NPC1: variants seen among roughly 807,000 people sequenced by gnomAD.
NPC1 encodes the protein Niemann-Pick C1 protein.
In NPC1, 85 loss-of-function variants were observed where a neutral mutation model predicts 140.4. That is an observed-to-expected ratio of 0.61 (90% CI 0.51 to 0.72). The LOEUF is 0.72. NPC1 is among the 30% of genes least tolerant of loss of function. NPC1 has a pLI of 0.00. For synonymous variants in NPC1, 656 were observed against 624.8 expected, an observed-to-expected ratio of 1.05 and a Z score of -0.74; for missense variants, 1,504 against 1,623.8, an observed-to-expected ratio of 0.93 and a Z score of 1.27.
chr18:23,548,263 T>C (rs536944037), intron 10 of NPC1, among the ~76,000 whole-genome samples, 155 bp from the exon 11 acceptor site: 1 of 152,310 alleles, frequency 6.6e-6, no homozygotes, highest in South Asian at 2.1e-4. Context: ...TGAAATAGTC[T>C]TTATGTACTT....
chr18:23,510,974 G>C (rs2057840350), intron 3 of NPC1, among the ~76,000 whole-genome samples: 1 of 152,158 alleles, frequency 6.6e-6, no homozygotes, highest in Non-Finnish European at 1.5e-5. Context: ...CCCATTACTG[G>C]GTGTAATATG....
chr18:23,511,640 CTT>C (rs1285260117), intron 3 of NPC1, among the ~76,000 whole-genome samples: 2 of 150,620 alleles, frequency 1.3e-5, no homozygotes, highest in Non-Finnish European at 3.0e-5. Context: ...TGTATATAAA[CTT>C]TTGCAGCTAG....
downstream of NPC1, chr18:23,530,675 C>T: frequency 2.7e-6 from 4 of 1,509,370 alleles, no homozygotes; most frequent in East Asian, 2.3e-5. Flanking sequence ...AGGGCACTGG[C>T]AGCTGGTGGG....
At chr18:23,515,149 G>A (rs530849189) in intron 3 of NPC1, among the ~76,000 whole-genome samples, 1 of 152,206 alleles carries the variant, frequency 6.6e-6, no homozygotes, top group South Asian at 2.1e-4. Context: ...TCTTTTGGCC[G>A]TTTCCTGGAT....
chr18:23,544,950 C>CCCA lies in NPC1; in HGVS notation c.1947+9_1947+10insTGG, dbSNP rs772150994. On this transcript the variant is annotated intron_variant, in intron 12 of 24. Coordinates refer to ENST00000269228, the MANE Select transcript of NPC1 (RefSeq NM_000271.5). ...ACCTCTAGAACATACACCACCCCCC[C>CCCA]CCGGCTTACCAGAAGCCTGCGACAG... The CCCA allele has an allele frequency of 5.7e-6, 8 of 1,415,882 alleles. No homozygotes were observed. In the African/African-American group the frequency reaches 7.0e-5, roughly 12 times the overall value. 87.7% of individuals were successfully genotyped at this position (1,415,882 alleles called of 1,614,324 possible).
chr18:23,515,803 G>A, intron 3 of NPC1: 1 of 1,609,700 alleles, frequency 6.2e-7, no homozygotes, highest in South Asian at 1.1e-5. Flanking sequence ...AAAGTGCTGG[G>A]ATTAGTTTGC....
At chr18:23,536,622 C>T in intron 21 of NPC1, 51 bp downstream of exon 21, 1 of 1,527,328 alleles carries the variant, frequency 6.5e-7, no homozygotes, top group Non-Finnish European at 9.0e-7. Context: ...CACTCCCACC[C>T]AGTGTAGGCC....
chr18:23,543,334 AAAAAAAAAAAAAG>A (rs1355409566), intron 14 of NPC1, 108 bp downstream of exon 14: 19 of 545,202 alleles, frequency 3.5e-5, no homozygotes, highest in East Asian at 1.8e-4. Context: ...GTCTCAGAGA[AAAAAAAAAAAAAG>A]AAAAAAAAAA....
downstream of NPC1, chr18:23,529,091 C>T (rs1438551680): frequency 7.9e-6 from 12 of 1,521,696 alleles, no homozygotes; most frequent in African/African-American, 4.2e-5. Context: ...GGGTCCACAT[C>T]GAAGAATTCA....
At chr18:23,551,908 G>C (rs2058878328) in intron 9 of NPC1, among the ~76,000 whole-genome samples, 181 bp from the exon 10 acceptor site, 1 of 152,236 alleles carries the variant, frequency 6.6e-6, no homozygotes, top group Non-Finnish European at 1.5e-5. Flanking sequence ...GAATCACTGG[G>C]CAAGAGGCAG....
intron 12 of NPC1, 97 bp from the exon 13 acceptor site, chr18:23,544,623 T>G: frequency 9.1e-7 from 1 of 1,099,238 alleles, no homozygotes; most frequent in Non-Finnish European, 1.4e-6. Flanking sequence ...AGGGCTGTAT[T>G]AAACCTAGAG....
At chr18:23,522,239 T>G (rs1338665363), downstream of NPC1, 3 of 152,264 alleles carry the variant, frequency 2.0e-5, no homozygotes, top group Non-Finnish European at 2.9e-5. Flanking sequence ...TCTTTCAAGC[T>G]TCTTCCTTTT....
chr18:23,537,014 A>G (rs1049404498), intron 20 of NPC1, 138 bp from the exon 21 acceptor site: 2 of 722,208 alleles, frequency 2.8e-6, no homozygotes, highest in Non-Finnish European at 5.0e-6. Flanking sequence ...GGGATGAAGA[A>G]GGCCCCCAGA....
chr18:23,532,282 G>A lies in NPC1; in HGVS notation c.3757C>T (p.Pro1253Ser). 2 of 1,614,140 alleles carry A rather than the reference G, an allele frequency of 1.2e-6. No homozygotes were observed. The highest frequency in any genetic ancestry group is 8.5e-7 in the Non-Finnish European group (1 of 1,180,022). ...FLPVLLSYIG[P>S]SVNKAKSCAT... Reference sequence around the variant, plus strand: ...CAACTTTTGGCTTTATTTACTGATGGCCCTATGAGAGAGAGAGACTTTTTC... The same window carrying A: ...CAACTTTTGGCTTTATTTACTGATGACCCTATGAGAGAGAGAGACTTTTTC... The change falls in exon 25 of 25, where the codon CCA becomes TCA. Residue 1253 changes from proline to serine, a missense_variant and splice_region_variant. Transcript: ENST00000269228.
At position 23,569,716 on chromosome 18, in the gene NPC1, A is replaced by C. The variant is rs548811347; in HGVS notation, c.288-718T>G. On this transcript the variant is annotated intron_variant, in intron 3 of 24. Coordinates refer to ENST00000269228, the MANE Select transcript of NPC1 (RefSeq NM_000271.5). ...GTTTTCTTTCAAGCCCCGGAAAATC[A>C]CTAGGCCCTCCTGAAACACAAGGAG... Among the ~76,000 whole-genome samples the C allele has an allele frequency of 2.0e-5, 3 of 152,314 alleles. No homozygotes were observed. In the East Asian group the frequency reaches 5.8e-4, roughly 29 times the overall value.
chr18:23,577,172 C>T (rs1330453380), intron 1 of NPC1, among the ~76,000 whole-genome samples: 6 of 151,190 alleles, frequency 4.0e-5, no homozygotes, highest in African/African-American at 7.3e-5. Context: ...TACAGAGTGT[C>T]GACTGGTGCA....
chr18:23,554,918 GA>G lies in NPC1; in HGVS notation c.1392del (p.Gln465LysfsTer18). The G allele has an allele frequency of 6.2e-7, 1 of 1,614,128 alleles. No individual in the cohort carries two copies. Among genetic ancestry groups the G allele is most frequent in the Non-Finnish European group, 8.5e-7 (1 of 1,179,964 alleles). ...TASYDNETVTLQDICLAPLSP... is the reference protein window; with the variant it reads ...TASYDNETVTXQDICLAPLSP... ...GAAAGAGGGGCCAAGCAGATGTCTT[GA>G]AGTGTCACAGTCTCATTGTCATAAG... On this transcript the variant is annotated frameshift_variant, in exon 9 of 25. Coordinates refer to ENST00000269228, the MANE Select transcript of NPC1 (RefSeq NM_000271.5). LOFTEE classifies it high-confidence loss of function.
chr18:23,516,178 A>T, intron 3 of NPC1: 1 of 1,299,526 alleles, frequency 7.7e-7, no homozygotes, highest in African/African-American at 1.5e-5. Context: ...TGCTGGGCAG[A>T]CAGGCTGTGA....
chr18:23,570,962 G>C (rs931690237), intron 3 of NPC1, among the ~76,000 whole-genome samples: 4 of 152,150 alleles, frequency 2.6e-5, no homozygotes, highest in African/African-American at 4.8e-5. Flanking sequence ...GCAAAGCATG[G>C]GGGGAGAGGA....
Sources: allele counts gnomAD v4.1 joint callset (sites outside exome capture counted in the v4.1 genomes callset), GRCh38; gene constraint gnomAD v4.1.1; transcripts MANE v1.5; gene names NCBI Gene and HGNC (gene_info 2026-07-23, HGNC 2026-07-21).